Variants in SIPA1L1 observed in about 807,000 individuals in gnomAD.
The protein encoded by SIPA1L1 is signal-induced proliferation-associated 1-like protein 1.
In SIPA1L1, 26 loss-of-function variants were observed where a neutral mutation model predicts 162.7. The observed-to-expected ratio is 0.16, with a 90% CI of 0.12 to 0.22. SIPA1L1 has a LOEUF of 0.22. SIPA1L1 is among the 10% of genes least tolerant of loss of function. SIPA1L1 has a pLI of 1.00. For synonymous variants in SIPA1L1, 829 were observed against 837.4 expected, an observed-to-expected ratio of 0.99 and a Z score of 0.17; for missense variants, 1,874 against 2,241.0, an observed-to-expected ratio of 0.84 and a Z score of 3.31.
chr14:71,713,439 A>G (rs2083027600), intron 17 of SIPA1L1, among the ~76,000 whole-genome samples: 2 of 152,246 alleles, frequency 1.3e-5, no homozygotes, highest in African/African-American at 4.8e-5. Flanking sequence ...TGTAAACTCT[A>G]CGAAGTATGA....
chr14:71,659,063 C>T (rs2043294725), intron 9 of SIPA1L1, among the ~76,000 whole-genome samples: 2 of 152,098 alleles, frequency 1.3e-5, no homozygotes, highest in South Asian at 4.1e-4. Context: ...TGTTACAGAG[C>T]AAACTGGAAA....
At chr14:71,442,017 C>G (rs1031952600) in intron 2 of SIPA1L1, among the ~76,000 whole-genome samples, 3 of 150,978 alleles carry the variant, frequency 2.0e-5, no homozygotes, top group Non-Finnish European at 3.0e-5. Context: ...ACTAAAAATA[C>G]AAAAAATTAG....
intron 2 of SIPA1L1, among the ~76,000 whole-genome samples, chr14:71,359,532 A>C (rs1433319848): frequency 6.6e-6 from 1 of 152,204 alleles, no homozygotes; most frequent in Non-Finnish European, 1.5e-5. Context: ...ATATATCCCC[A>C]GGATGAAAAA....
At chr14:71,599,589 T>C (rs1003795109) in intron 5 of SIPA1L1, among the ~76,000 whole-genome samples, 1 of 151,934 alleles carries the variant, frequency 6.6e-6, no homozygotes. Context: ...AGTTTTGCAA[T>C]AAACACGTGA....
At chr14:71,394,756 A>C (rs931737479) in intron 2 of SIPA1L1, among the ~76,000 whole-genome samples, 1 of 152,222 alleles carries the variant, frequency 6.6e-6, no homozygotes, top group South Asian at 2.1e-4. Context: ...AATGTGCCCA[A>C]GGTACCATCT....
chr14:71,414,836 T>C (rs1181727479), intron 2 of SIPA1L1, among the ~76,000 whole-genome samples: 1 of 152,234 alleles, frequency 6.6e-6, no homozygotes, highest in Non-Finnish European at 1.5e-5. Flanking sequence ...TTACTATTGC[T>C]CTTCGAGTGA....
At chr14:71,397,452 T>C (rs1293035841) in intron 2 of SIPA1L1, among the ~76,000 whole-genome samples, 3 of 151,962 alleles carry the variant, frequency 2.0e-5, no homozygotes, top group Non-Finnish European at 4.4e-5. Flanking sequence ...CTTTATTCAG[T>C]ATTTTTCCTC....
intron 2 of SIPA1L1, among the ~76,000 whole-genome samples, chr14:71,479,642 A>G: frequency 6.6e-6 from 1 of 152,202 alleles, no homozygotes; most frequent in East Asian, 1.9e-4. Flanking sequence ...TCTTGAGCTC[A>G]TGCATTCCTC....
chr14:71,733,643 T>C (rs1356436212), intron 20 of SIPA1L1, 23 bp from the exon 21 acceptor site: 1 of 1,610,882 alleles, frequency 6.2e-7, no homozygotes, highest in Non-Finnish European at 8.5e-7. Flanking sequence ...AAGAAGCATC[T>C]CATTCCTCCT....
At chr14:71,562,168 A>G (rs764107740) in intron 4 of SIPA1L1, among the ~76,000 whole-genome samples, 8 of 151,608 alleles carry the variant, frequency 5.3e-5, no homozygotes, top group Non-Finnish European at 1.0e-4. Flanking sequence ...AGTGCATTAG[A>G]CTCTTGGGGA....
At chr14:71,413,463 T>A (rs1410824749) in intron 2 of SIPA1L1, among the ~76,000 whole-genome samples, 1 of 152,174 alleles carries the variant, frequency 6.6e-6, no homozygotes, top group Non-Finnish European at 1.5e-5. Flanking sequence ...CGGGGCATAG[T>A]GCAGTGGCTC....
chr14:71,344,057 CA>C (rs1246181539), intron 2 of SIPA1L1, among the ~76,000 whole-genome samples: 1 of 152,184 alleles, frequency 6.6e-6, no homozygotes, highest in Non-Finnish European at 1.5e-5. Flanking sequence ...AAGGAAAAAA[CA>C]TTTTTTTTGA....
intron 2 of SIPA1L1, among the ~76,000 whole-genome samples, chr14:71,381,778 A>C (rs1410380619): frequency 6.6e-6 from 1 of 152,196 alleles, no homozygotes; most frequent in Non-Finnish European, 1.5e-5. Flanking sequence ...TGTGCTGGTC[A>C]GGTTGTTAAT....
chr14:71,330,682 G>A, intron 2 of SIPA1L1: 2 of 876,210 alleles, frequency 2.3e-6, no homozygotes, highest in Non-Finnish European at 3.9e-6. Flanking sequence ...CTCATGAGGA[G>A]GAATCCATCC....
intron 2 of SIPA1L1, among the ~76,000 whole-genome samples, chr14:71,464,682 C>T (rs1339505045): frequency 6.6e-6 from 1 of 151,930 alleles, no homozygotes; most frequent in Non-Finnish European, 1.5e-5. Context: ...AAACAGAGTC[C>T]CTACTTAGTG....
At chr14:71,498,077 C>T (rs910846309) in intron 2 of SIPA1L1, among the ~76,000 whole-genome samples, 2 of 152,186 alleles carry the variant, frequency 1.3e-5, no homozygotes, top group African/African-American at 4.8e-5. Flanking sequence ...TTGCATCTCC[C>T]TAATGGCTAA....
chr14:71,426,465 T>A (rs1156447803), intron 2 of SIPA1L1, among the ~76,000 whole-genome samples: 1 of 150,846 alleles, frequency 6.6e-6, no homozygotes, highest in African/African-American at 2.4e-5. Flanking sequence ...AAAGTCATAA[T>A]ACCCTAATTT....
At chr14:71,437,466 C>T (rs996952500) in intron 2 of SIPA1L1, among the ~76,000 whole-genome samples, 14 of 152,102 alleles carry the variant, frequency 9.2e-5, no homozygotes, top group Admixed American at 7.9e-4. Context: ...CTCTGTGGTT[C>T]GAGGTATTTC....
chr14:71,705,403 GA>G (rs1597114967), intron 16 of SIPA1L1, 63 bp downstream of exon 16: 1 of 1,190,464 alleles, frequency 8.4e-7, no homozygotes, highest in East Asian at 2.3e-5. Flanking sequence ...CTTGCACTAT[GA>G]AAATGCTCTG....
Sources: gnomAD v4.1 joint callset for allele counts (sites outside exome capture counted in the v4.1 genomes callset) on GRCh38, gnomAD v4.1.1 for gene constraint, MANE v1.5 for transcripts, NCBI Gene and HGNC (gene_info 2026-07-23, HGNC 2026-07-21) for gene names.